The following PTPRD variants were observed in gnomAD, a reference collection of about 807,000 sequenced individuals.
PTPRD encodes the protein receptor-type tyrosine-protein phosphatase delta.
In PTPRD, 34 loss-of-function variants were observed where a neutral mutation model predicts 214.5. That is an observed-to-expected ratio of 0.16 (90% CI 0.12 to 0.21). The LOEUF is 0.21. Among genes scored for constraint, PTPRD ranks in the 10% least tolerant of loss-of-function variants. The pLI is 1.00. For missense variants in PTPRD, 2,545 were observed against 2,398.7 expected, an observed-to-expected ratio of 1.06 and a Z score of -1.27; for synonymous variants, 1,128 against 845.7, an observed-to-expected ratio of 1.33 and a Z score of -5.79.
At chr9:10,231,667 G>A (rs10958965) in intron 3 of PTPRD, among the ~76,000 whole-genome samples, 41 of 151,716 alleles carry the variant, frequency 2.7e-4, no homozygotes, top group Non-Finnish European at 4.7e-4. Context: ...CTTAATAAAT[G>A]CTTGTTGAAT....
intron 45 of PTPRD, among the ~76,000 whole-genome samples, chr9:8,319,542 A>G (rs573734387): frequency 3.3e-5 from 5 of 152,106 alleles, no homozygotes; most frequent in Admixed American, 2.6e-4. Context: ...GACTATGAAT[A>G]TAACGAATTT....
At chr9:8,952,714 C>A (rs10739178) in intron 11 of PTPRD, among the ~76,000 whole-genome samples, 145,180 of 151,916 alleles carry the variant, frequency 0.96, 69,718 homozygotes, top group East Asian at 1. Flanking sequence ...TGGCTCTTAA[C>A]GGTATTGAAA....
chr9:9,955,509 T>A (rs969409084), intron 4 of PTPRD, among the ~76,000 whole-genome samples: 1 of 146,288 alleles, frequency 6.8e-6, no homozygotes, highest in African/African-American at 2.6e-5. Context: ...TTCGTTTTTT[T>A]TGTTTTGTTT....
At chr9:9,328,130 G>T (rs950062374) in intron 9 of PTPRD, among the ~76,000 whole-genome samples, 5 of 152,000 alleles carry the variant, frequency 3.3e-5, no homozygotes, top group Admixed American at 6.6e-5. Context: ...AAGTAGATTT[G>T]AATCCAACAT....
intron 2 of PTPRD, among the ~76,000 whole-genome samples, chr9:10,551,067 C>G (rs868703211): frequency 6.6e-6 from 1 of 152,180 alleles, no homozygotes; most frequent in Non-Finnish European, 1.5e-5. Flanking sequence ...AGTGCAGTGG[C>G]TCATGCCTGT....
chr9:8,507,257 C>A lies in PTPRD; in HGVS notation c.1677+44G>T, dbSNP rs1380584496. 4.4e-6 allele frequency: 7 copies of A among 1,585,848 alleles called. No individual in the cohort carries two copies. The African/African-American group carries it at 9.5e-5, about 22-fold the overall frequency. ...ATACACAAAAATAAAAAAGTGGCCC[C>A]ACGTAATGAATAATTCCCAAGGTGA... On this transcript the variant is annotated intron_variant, in intron 22 of 45. Coordinates refer to ENST00000381196, the MANE Select transcript of PTPRD (RefSeq NM_002839.4).
chr9:9,899,857 G>C (rs1177211011), intron 5 of PTPRD, among the ~76,000 whole-genome samples: 1 of 152,022 alleles, frequency 6.6e-6, no homozygotes, highest in Non-Finnish European at 1.5e-5. Flanking sequence ...TGGAACACTA[G>C]TCTTAAGAAA....
At chr9:8,318,065 G>T in intron 45 of PTPRD, 123 bp from the exon 46 acceptor site, 2 of 814,914 alleles carry the variant, frequency 2.5e-6, no homozygotes, top group Non-Finnish European at 4.0e-6. Flanking sequence ...CACTACTTTC[G>T]TCAACTGGTC....
intron 2 of PTPRD, among the ~76,000 whole-genome samples, chr9:10,576,848 T>G (rs1372278911): frequency 1.3e-5 from 2 of 152,170 alleles, no homozygotes; most frequent in Non-Finnish European, 2.9e-5. Context: ...AATACATCAT[T>G]GTTAACAAGG....
At chr9:10,432,408 C>T (rs777308639) in intron 2 of PTPRD, among the ~76,000 whole-genome samples, 5 of 151,494 alleles carry the variant, frequency 3.3e-5, no homozygotes, top group Non-Finnish European at 4.4e-5. Flanking sequence ...GCACAATGTG[C>T]ACATGTACCC....
intron 5 of PTPRD, among the ~76,000 whole-genome samples, chr9:9,775,864 G>A (rs1019015022): frequency 8.2e-5 from 12 of 146,404 alleles, no homozygotes; most frequent in African/African-American, 3.1e-4. Flanking sequence ...GCTGAGGCAG[G>A]AGAATGGTGT....
At chr9:10,464,020 C>A (rs1163479089) in intron 2 of PTPRD, among the ~76,000 whole-genome samples, 1 of 152,020 alleles carries the variant, frequency 6.6e-6, no homozygotes, top group Admixed American at 6.6e-5. Flanking sequence ...AAAGATAATC[C>A]TCTGTTAGCA....
chr9:8,595,215 G>C (rs1285797860), intron 14 of PTPRD, among the ~76,000 whole-genome samples: 2 of 148,074 alleles, frequency 1.4e-5, no homozygotes, highest in East Asian at 2.0e-4. Context: ...AAAACTTTAA[G>C]TCAAAATGTG....
At chr9:8,966,576 G>C (rs2099196654) in intron 11 of PTPRD, among the ~76,000 whole-genome samples, 1 of 151,810 alleles carries the variant, frequency 6.6e-6, no homozygotes, top group Admixed American at 6.6e-5. Context: ...AATGAAACTA[G>C]ACCCCTATAT....
intron 10 of PTPRD, among the ~76,000 whole-genome samples, chr9:9,110,585 G>T (rs1357398562): frequency 1.3e-5 from 2 of 151,990 alleles, no homozygotes; most frequent in Non-Finnish European, 2.9e-5. Context: ...AAGACCAGAG[G>T]CTCAAGTCAG....
At chr9:10,012,253 T>C (rs2096616300) in intron 4 of PTPRD, among the ~76,000 whole-genome samples, 1 of 151,714 alleles carries the variant, frequency 6.6e-6, no homozygotes, top group South Asian at 2.1e-4. Context: ...CAAATTGAAA[T>C]GAGGTTTTAA....
At chr9:8,464,272 T>G (rs1266922596) in intron 32 of PTPRD, among the ~76,000 whole-genome samples, 2 of 152,004 alleles carry the variant, frequency 1.3e-5, no homozygotes, top group African/African-American at 4.8e-5. Context: ...TCTCAAATAT[T>G]TAAAAGTCAT....
At chr9:9,715,298 G>A (rs1393667883) in intron 7 of PTPRD, among the ~76,000 whole-genome samples, 7 of 152,022 alleles carry the variant, frequency 4.6e-5, no homozygotes, top group African/African-American at 1.7e-4. Flanking sequence ...AATTCTCAAG[G>A]CTTGACACTG....
chr9:9,971,604 A>C (rs1006319450), intron 4 of PTPRD, among the ~76,000 whole-genome samples: 3 of 152,182 alleles, frequency 2.0e-5, no homozygotes, highest in Non-Finnish European at 4.4e-5. Flanking sequence ...TTCTGAAGAA[A>C]ATTCGAGAAT....
Sources: gnomAD v4.1 joint callset for allele counts (sites outside exome capture counted in the v4.1 genomes callset) on GRCh38, gnomAD v4.1.1 for gene constraint, MANE v1.5 for transcripts, NCBI Gene and HGNC (gene_info 2026-07-23, HGNC 2026-07-21) for gene names.